Variants in FRK observed in about 807,000 individuals in gnomAD.
FRK encodes the protein tyrosine-protein kinase FRK.
Under a neutral mutation model 56.4 loss-of-function variants are expected in FRK, and 51 were observed. That is an observed-to-expected ratio of 0.90 (90% CI 0.72 to 1.14). The LOEUF is 1.14. Among genes scored for constraint, FRK ranks in the 50% most tolerant of loss-of-function variants. The pLI is 0.00. For synonymous variants in FRK, 245 were observed against 217.9 expected (o/e 1.12, Z -1.10); for missense variants, 570 against 601.4 (o/e 0.95, Z 0.55).
chr6:116,021,788 C>A (rs1775880854), intron 1 of FRK, among the ~76,000 whole-genome samples: 1 of 151,518 alleles, frequency 6.6e-6, no homozygotes, highest in Non-Finnish European at 1.5e-5. Flanking sequence ...GAAAAAAGAA[C>A]AAATTAAACC....
intron 1 of FRK, among the ~76,000 whole-genome samples, chr6:116,046,910 T>A (rs1051282018): frequency 6.6e-6 from 1 of 151,952 alleles, no homozygotes; most frequent in African/African-American, 2.4e-5. Flanking sequence ...GGTTTATAAT[T>A]AAATATTCAA....
intron 2 of FRK, among the ~76,000 whole-genome samples, chr6:116,000,956 T>G (rs1014864206): frequency 6.6e-6 from 1 of 152,156 alleles, no homozygotes; most frequent in Non-Finnish European, 1.5e-5. Context: ...ATATGGAGCT[T>G]GGGCCGGGCG....
chr6:115,952,466 T>A (rs1772802773), intron 5 of FRK, among the ~76,000 whole-genome samples: 2 of 152,034 alleles, frequency 1.3e-5, no homozygotes, highest in Admixed American at 6.5e-5. Flanking sequence ...ACTTTTACAC[T>A]CTTGGTGGGA....
intron 2 of FRK, among the ~76,000 whole-genome samples, chr6:115,972,005 C>A (rs1357484165): frequency 1.3e-5 from 2 of 152,202 alleles, no homozygotes; most frequent in Non-Finnish European, 2.9e-5. Flanking sequence ...CTCTGGGACA[C>A]TCATGCAGGC....
chr6:116,036,112 T>A (rs558287693), intron 1 of FRK, among the ~76,000 whole-genome samples: 286 of 152,234 alleles, frequency 1.9e-3, no homozygotes, highest in Non-Finnish European at 3.2e-3. Flanking sequence ...GCACTTTTTT[T>A]AAAAATAAGT....
Position 115,960,249 on chromosome 6 carries a change from G to A in FRK, c.800-3639C>T, listed in dbSNP as rs549822612. 2.6e-5 allele frequency among the ~76,000 whole-genome samples: 4 copies of A among 151,316 alleles called. No individual in the cohort carries two copies. In the East Asian group the frequency reaches 6.0e-4, roughly 23 times the overall value. ...CTCACCTGGGAAGCGCAAGGGGTCA[G>A]GGAGTTCCCTTTCCGAGTCAAAGAA... On this transcript the variant is annotated intron_variant, in intron 4 of 7. Coordinates refer to ENST00000606080, the MANE Select transcript of FRK (RefSeq NM_002031.3).
Position 115,933,418 on chromosome 6 carries a change from AC to A in FRK, c.*8995del, listed in dbSNP as rs532321454. Reference sequence around the variant, plus strand: ...TTTATGGCAGTTAAAAAAATCTATTACTGTTTCTCATAACTGAATCCATTAT... The same window carrying A: ...TTTATGGCAGTTAAAAAAATCTATTATGTTTCTCATAACTGAATCCATTAT... On this transcript the variant is annotated 3_prime_UTR_variant, in exon 8 of 8. Transcript: ENST00000606080. 2.8e-3 allele frequency: 431 copies of A among 152,316 alleles called. 4 individuals carry two copies. The highest frequency in any genetic ancestry group is 1.0e-2 in the African/African-American group (414 of 41,586). The allele number at this position is 152,316 out of a possible 1,614,324, so 9.4% of individuals were successfully genotyped here.
At chr6:116,000,827 A>T (rs1197200922) in intron 2 of FRK, among the ~76,000 whole-genome samples, 1 of 152,256 alleles carries the variant, frequency 6.6e-6, no homozygotes, top group African/African-American at 2.4e-5. Context: ...ATTAAAATGT[A>T]CAAAATATAC....
chr6:115,941,393 G>A lies in FRK; in HGVS notation c.*1021C>T, dbSNP rs555903630. 1 of 152,192 alleles carries A rather than the reference G, an allele frequency of 6.6e-6. No individual in the cohort carries two copies. Among genetic ancestry groups the A allele is most frequent in the South Asian group, 2.1e-4 (1 of 4,814 alleles). 9.4% of individuals were successfully genotyped at this position (152,192 alleles called of 1,614,324 possible). On this transcript the variant is annotated 3_prime_UTR_variant, in exon 8 of 8. Transcript: ENST00000606080. ...AGCACTAGGAGAAATGCCTAATGTA[G>A]ACGACGGGTTGATGGGTGCAGCAAA...
chr6:116,073,436 T>C, the FRK span, among the ~76,000 whole-genome samples: 1 of 152,108 alleles, frequency 6.6e-6, no homozygotes, highest in African/African-American at 2.4e-5. Context: ...AAAATTTCAG[T>C]GGAGAAAATC....
At chr6:115,997,391 A>T (rs547715015) in intron 2 of FRK, among the ~76,000 whole-genome samples, 10 of 152,190 alleles carry the variant, frequency 6.6e-5, no homozygotes, top group Admixed American at 5.9e-4. Context: ...AGGAAATTTT[A>T]TCATAGAAAG....
At chr6:115,956,376 G>C in intron 5 of FRK, 76 bp downstream of exon 5, 1 of 1,102,232 alleles carries the variant, frequency 9.1e-7, no homozygotes, top group Non-Finnish European at 1.2e-6. Flanking sequence ...GTTACAGAAG[G>C]CTTGCTAAAT....
At chr6:116,065,320 A>C (rs560441393), upstream of FRK, among the ~76,000 whole-genome samples, 1 of 152,130 alleles carries the variant, frequency 6.6e-6, no homozygotes, top group African/African-American at 2.4e-5. Context: ...TGTCTCCCCA[A>C]CTCACACAGT....
chr6:115,967,161 T>C (rs960644925), intron 4 of FRK, among the ~76,000 whole-genome samples: 2 of 152,208 alleles, frequency 1.3e-5, no homozygotes, highest in Non-Finnish European at 2.9e-5. Flanking sequence ...CATACAAAAT[T>C]AATACTTTTA....
chr6:116,006,801 T>G (rs1210501862), intron 1 of FRK, among the ~76,000 whole-genome samples: 1 of 152,146 alleles, frequency 6.6e-6, no homozygotes, highest in Non-Finnish European at 1.5e-5. Context: ...GCCACTGCAC[T>G]TCAGCCTGGG....
chr6:116,030,118 C>G (rs1222546526), intron 1 of FRK, among the ~76,000 whole-genome samples: 1 of 152,066 alleles, frequency 6.6e-6, no homozygotes, highest in African/African-American at 2.4e-5. Flanking sequence ...GAGTTGGTAT[C>G]TGAAACAGGT....
chr6:116,037,979 G>A (rs1776552197), intron 1 of FRK, among the ~76,000 whole-genome samples: 1 of 152,230 alleles, frequency 6.6e-6, no homozygotes, highest in African/African-American at 2.4e-5. Flanking sequence ...ACCCGCAAAT[G>A]AGGGGAAAGC....
rs1299612532 is a variant in FRK at position 115,939,410 on chromosome 6, G to A, written c.*3004C>T. On this transcript the variant is annotated 3_prime_UTR_variant, in exon 8 of 8. Transcript: ENST00000606080. ...GGGTAAACCTGGAAGCATTCCCTTT[G>A]AAAGCTGGCACAAGACAAGGATGCC... The A allele has an allele frequency of 6.6e-6, 1 of 152,188 alleles. No homozygotes were observed. Among genetic ancestry groups the A allele is most frequent in the Non-Finnish European group, 1.5e-5 (1 of 68,038 alleles). The allele number at this position is 152,188 out of a possible 1,614,324, so 9.4% of individuals were successfully genotyped here. A position where few individuals can be genotyped will look rare whatever the true frequency, so the allele number is the denominator to read the frequency against.
rs1772086774 is a variant in FRK, at chr6:115,938,270, A to C, written c.*4144T>G. 6.6e-6 allele frequency: 1 copy of C among 152,250 alleles called. No individual in the cohort carries two copies. The highest frequency in any genetic ancestry group is 1.5e-5 in the Non-Finnish European group (1 of 68,052). The allele number at this position is 152,250 out of a possible 1,614,324, so 9.4% of individuals were successfully genotyped here. ...AAGGTAGAAATAAAGTTGTTCATTG[A>C]AACCAATGAGAACAAAAACACAACA... is the stretch of plus-strand genomic sequence containing the variant. On this transcript the variant is annotated 3_prime_UTR_variant, in exon 8 of 8. Coordinates refer to ENST00000606080, the MANE Select transcript of FRK (RefSeq NM_002031.3).
Sources: gnomAD v4.1 joint callset for allele counts (sites outside exome capture counted in the v4.1 genomes callset) on GRCh38, gnomAD v4.1.1 for gene constraint, MANE v1.5 for transcripts, NCBI Gene and HGNC (gene_info 2026-07-23, HGNC 2026-07-21) for gene names.